CDH18: variants seen among roughly 807,000 people sequenced by gnomAD.
CDH18 encodes cadherin-18.
A neutral mutation model predicts 67.9 loss-of-function variants in CDH18; 31 were observed. That is an observed-to-expected ratio of 0.46 (90% CI 0.34 to 0.62). The LOEUF (loss-of-function observed/expected upper bound fraction) is 0.62, where lower values mean the gene tolerates loss of function less well. Among genes scored for constraint, CDH18 ranks in the 20% least tolerant of loss-of-function variants. The pLI, the probability that CDH18 is intolerant of heterozygous loss-of-function variation, is 0.01. For synonymous variants in CDH18, 362 were observed against 347.2 expected (o/e 1.04, Z -0.48); for missense variants, 890 against 975.5 (o/e 0.91, Z 1.17).
At chr5:20,151,966 A>G (rs1751146179) in intron 2 of CDH18, among the ~76,000 whole-genome samples, 1 of 151,168 alleles carries the variant, frequency 6.6e-6, no homozygotes, top group South Asian at 2.1e-4. Context: ...ATTAAATTGT[A>G]TTTACTCTTA....
rs186910666 is a variant in CDH18, at chr5:20,565,433, G to C, written c.-580+10029C>G. Among the ~76,000 whole-genome samples, 209 of 152,180 alleles carry C rather than the reference G, an allele frequency of 1.4e-3. 4 individuals carry two copies. The highest frequency in any genetic ancestry group is 1.5e-3 in the Non-Finnish European group (105 of 67,994). On this transcript the variant is annotated intron_variant, in intron 1 of 14. Coordinates refer to the CDH18 transcript ENST00000507958. ...TAAGTGCAAAATCTTAGCTGTGGCG[G>C]TTAATTAAGCATTGCTCCTTGGCTT...
At chr5:19,795,636 C>A (rs1305104058) in intron 3 of CDH18, among the ~76,000 whole-genome samples, 1 of 151,940 alleles carries the variant, frequency 6.6e-6, no homozygotes, top group African/African-American at 2.4e-5. Flanking sequence ...CTAATTTAAA[C>A]AAGACTCTGA....
chr5:19,677,926 G>C (rs1023932953), intron 5 of CDH18, among the ~76,000 whole-genome samples: 1 of 151,834 alleles, frequency 6.6e-6, no homozygotes, highest in African/African-American at 2.4e-5. Context: ...ACTTCTCTTA[G>C]TGTGTGTAAA....
intron 2 of CDH18, among the ~76,000 whole-genome samples, chr5:20,199,970 T>C (rs1023773424): frequency 1.3e-5 from 2 of 152,208 alleles, no homozygotes; most frequent in African/African-American, 4.8e-5. Context: ...TCCCCGGCCA[T>C]ATGCAACTGT....
rs376091293 is a variant in CDH18, at chr5:20,538,898, G to GTTTTTTTTTTTTTTTT, written c.-580+36563_-580+36564insAAAAAAAAAAAAAAAA. ...TGGATATACATCCACATAGCCAACT[G>GTTTTTTTTTTTTTTTT]TTTTTTTTTTGTTTTTTTTTTTTTT... is the stretch of plus-strand genomic sequence containing the variant. On this transcript the variant is annotated intron_variant, in intron 1 of 14. Coordinates refer to the CDH18 transcript ENST00000507958. Among the ~76,000 whole-genome samples the GTTTTTTTTTTTTTTTT allele has an allele frequency of 5.6e-5, 6 of 106,764 alleles. 2 individuals are homozygous for GTTTTTTTTTTTTTTTT. Among genetic ancestry groups the GTTTTTTTTTTTTTTTT allele is most frequent in the Non-Finnish European group, 5.4e-5 (3 of 55,186 alleles). 70.0% of individuals were successfully genotyped at this position (106,764 alleles called of 152,430 possible).
chr5:19,665,493 G>A (rs535721965), intron 5 of CDH18, among the ~76,000 whole-genome samples: 37 of 152,076 alleles, frequency 2.4e-4, no homozygotes, highest in African/African-American at 8.4e-4. Context: ...AATTTCATTC[G>A]TGTTGGTTAG....
In CDH18 at chr5:19,899,504, T is replaced by C. The variant is rs535514679; in HGVS notation, c.-256-60262A>G. Among the ~76,000 whole-genome samples the C allele has an allele frequency of 5.3e-5, 8 of 152,130 alleles. No individual in the cohort carries two copies. In the South Asian group the frequency reaches 1.7e-3, roughly 32 times the overall value. On this transcript the variant is annotated intron_variant, in intron 2 of 12. Transcript: ENST00000382275. ...AGTTGGACTCTGTGTAAACTGCTGG[T>C]GGGAATTTCAAATGATGTAGCTTGC... is the stretch of plus-strand genomic sequence containing the variant.
intron 2 of CDH18, among the ~76,000 whole-genome samples, chr5:20,128,447 A>G (rs1336955984): frequency 6.6e-6 from 1 of 152,096 alleles, no homozygotes; most frequent in Non-Finnish European, 1.5e-5. Flanking sequence ...AGCCACTCAA[A>G]TGAGGGCTAC....
intron 1 of CDH18, among the ~76,000 whole-genome samples, chr5:20,358,549 G>C (rs1741818942): frequency 6.6e-6 from 1 of 152,102 alleles, no homozygotes; most frequent in Admixed American, 6.6e-5. Context: ...AATTCAATAT[G>C]CATAAATATG....
At chr5:19,796,614 G>T (rs1477331991) in intron 3 of CDH18, among the ~76,000 whole-genome samples, 1 of 152,018 alleles carries the variant, frequency 6.6e-6, no homozygotes, top group Non-Finnish European at 1.5e-5. Flanking sequence ...ACACACAAAA[G>T]AATACTGAAA....
chr5:19,896,208 A>T (rs1421716937), intron 2 of CDH18, among the ~76,000 whole-genome samples: 2 of 151,876 alleles, frequency 1.3e-5, no homozygotes, highest in Non-Finnish European at 2.9e-5. Flanking sequence ...AGTACAAAAA[A>T]ATTATCAGGG....
intron 8 of CDH18, among the ~76,000 whole-genome samples, chr5:19,548,103 A>G (rs1312963800): frequency 6.6e-6 from 1 of 152,146 alleles, no homozygotes; most frequent in Admixed American, 6.5e-5. Context: ...AATTTTTATA[A>G]TAAAATCTGT....
intron 2 of CDH18, among the ~76,000 whole-genome samples, chr5:19,978,353 G>C (rs1226494391): frequency 6.6e-6 from 1 of 151,854 alleles, no homozygotes; most frequent in Non-Finnish European, 1.5e-5. Context: ...ATTTAATTTT[G>C]AGCAATATAA....
At chr5:20,225,232 G>A (rs931834695) in intron 2 of CDH18, among the ~76,000 whole-genome samples, 57 of 152,036 alleles carry the variant, frequency 3.7e-4, no homozygotes, top group African/African-American at 1.3e-3. Flanking sequence ...ATCACCTCCT[G>A]TGACATATTG....
intron 1 of CDH18, among the ~76,000 whole-genome samples, chr5:20,573,216 G>A (rs1376599450): frequency 1.3e-5 from 2 of 151,896 alleles, no homozygotes; most frequent in African/African-American, 2.4e-5. Flanking sequence ...AGCAAACAGT[G>A]CTAAGAAATT....
chr5:19,810,217 C>A (rs1355521911), intron 3 of CDH18, among the ~76,000 whole-genome samples: 1 of 152,004 alleles, frequency 6.6e-6, no homozygotes, highest in Non-Finnish European at 1.5e-5. Flanking sequence ...GTAACCCCAG[C>A]TACTCGGGAG....
intron 1 of CDH18, among the ~76,000 whole-genome samples, chr5:20,478,191 T>A (rs1040267508): frequency 6.6e-6 from 1 of 151,912 alleles, no homozygotes; most frequent in African/African-American, 2.4e-5. Context: ...GTGGTAGCAA[T>A]GAGGAGAGTC....
chr5:19,900,480 T>C (rs1166992168), intron 2 of CDH18, among the ~76,000 whole-genome samples: 1 of 152,166 alleles, frequency 6.6e-6, no homozygotes, highest in African/African-American at 2.4e-5. Context: ...GATTCGATCA[T>C]TGCACAATGT....
At chr5:20,044,185 CAG>C (rs975955311) in intron 2 of CDH18, among the ~76,000 whole-genome samples, 1 of 148,010 alleles carries the variant, frequency 6.8e-6, no homozygotes, top group African/African-American at 2.5e-5. Context: ...AAAAAAAAAA[CAG>C]AGCAAACATT....
Sources: allele counts gnomAD v4.1 joint callset (sites outside exome capture counted in the v4.1 genomes callset), GRCh38; gene constraint gnomAD v4.1.1; transcripts MANE v1.5; gene names NCBI Gene and HGNC (gene_info 2026-07-23, HGNC 2026-07-21).